PDE4D: variants seen among roughly 807,000 people sequenced by gnomAD.
PDE4D encodes the protein phosphodiesterase 4D, also known as 3',5'-cyclic-AMP phosphodiesterase 4D.
A neutral mutation model predicts 87.4 loss-of-function variants in PDE4D; 24 were observed. The ratio of observed to expected loss-of-function variants is 0.27; its 90% CI spans 0.20 to 0.39. The LOEUF is 0.39. Ranked by LOEUF, PDE4D falls within the 10% of genes least tolerant of loss-of-function variation. PDE4D has a pLI of 1.00. For synonymous variants in PDE4D, 384 were observed against 383.2 expected, an observed-to-expected ratio of 1.00 and a Z score of -0.02; for missense variants, 714 against 1,041.0, an observed-to-expected ratio of 0.69 and a Z score of 4.32.
chr5:59,419,876 C>A (rs1371892420), intron 1 of PDE4D, among the ~76,000 whole-genome samples: 1 of 152,010 alleles, frequency 6.6e-6, no homozygotes, highest in Non-Finnish European at 1.5e-5. Context: ...CGTGGAGAAC[C>A]CCTTGAATCA....
At chr5:59,617,804 T>G (rs1422896513) in intron 1 of PDE4D, among the ~76,000 whole-genome samples, 1 of 151,532 alleles carries the variant, frequency 6.6e-6, no homozygotes, top group African/African-American at 2.4e-5. Context: ...TTTAAACCAC[T>G]CTGTTTCTAG....
intron 1 of PDE4D, among the ~76,000 whole-genome samples, chr5:59,639,811 T>TAG (rs1741237631): frequency 8.7e-6 from 1 of 115,162 alleles, no homozygotes; most frequent in Non-Finnish European, 1.8e-5. Flanking sequence ...ATAGTGTCTA[T>TAG]AGTGTGTGTG....
At chr5:59,375,092 C>G (rs564902175) in intron 1 of PDE4D, among the ~76,000 whole-genome samples, 1 of 152,190 alleles carries the variant, frequency 6.6e-6, no homozygotes, top group African/African-American at 2.4e-5. Context: ...AGAAAGATCT[C>G]AAGTCAACAG....
At chr5:60,441,548 C>T (rs1001886636) in intron 1 of PDE4D, among the ~76,000 whole-genome samples, 2 of 152,130 alleles carry the variant, frequency 1.3e-5, no homozygotes, top group African/African-American at 4.8e-5. Flanking sequence ...ATGACTAAAA[C>T]ACCAAAAGCA....
chr5:59,035,369 G>A (rs1758318761), intron 6 of PDE4D, among the ~76,000 whole-genome samples: 1 of 152,152 alleles, frequency 6.6e-6, no homozygotes, highest in South Asian at 2.1e-4. Context: ...CACAAAAACT[G>A]TAAATATAAT....
intron 2 of PDE4D, among the ~76,000 whole-genome samples, chr5:60,056,556 T>C (rs905555637): frequency 1.3e-5 from 2 of 152,018 alleles, no homozygotes; most frequent in South Asian, 4.1e-4. Flanking sequence ...CAATGAGCTC[T>C]GGATGATCAT....
chr5:60,199,673 A>T (rs1449929745), intron 1 of PDE4D, among the ~76,000 whole-genome samples: 1 of 151,756 alleles, frequency 6.6e-6, no homozygotes, highest in African/African-American at 2.4e-5. Context: ...GAAAGCATAT[A>T]AATGAAAAAG....
chr5:59,076,684 A>T lies in PDE4D; in HGVS notation c.809-37713T>A, dbSNP rs532356304. 2.0e-4 allele frequency among the ~76,000 whole-genome samples: 30 copies of T among 152,268 alleles called. No homozygotes were observed. In the South Asian group the frequency reaches 6.2e-3, roughly 32 times the overall value. The stretch of plus-strand genomic sequence containing the variant: ...TTTCTTTGCCAATTTATCTTCATAA[A>T]ACTCAATCAATGCCTTGCCTTAAAA... On this transcript the variant is annotated intron_variant, in intron 5 of 14. Coordinates refer to ENST00000340635, the MANE Select transcript of PDE4D (RefSeq NM_001104631.2).
chr5:60,460,378 C>G, intron 1 of PDE4D: 2 of 1,018,316 alleles, frequency 2.0e-6, no homozygotes, highest in South Asian at 1.3e-5. Flanking sequence ...CATTTCAACT[C>G]TGCTCAAATA....
At chr5:59,290,350 G>T (rs1767779114) in intron 1 of PDE4D, among the ~76,000 whole-genome samples, 1 of 152,024 alleles carries the variant, frequency 6.6e-6, no homozygotes, top group South Asian at 2.1e-4. Flanking sequence ...AATAAATGGT[G>T]CTGGGAAAAC....
intron 1 of PDE4D, among the ~76,000 whole-genome samples, chr5:60,500,201 G>A (rs907772973): frequency 6.6e-6 from 1 of 152,062 alleles, no homozygotes; most frequent in African/African-American, 2.4e-5. Flanking sequence ...CTACTGGAGA[G>A]GCTGAGGAGA....
intron 2 of PDE4D, among the ~76,000 whole-genome samples, chr5:60,122,453 CT>C (rs1778774926): frequency 1.3e-5 from 2 of 152,246 alleles, no homozygotes; most frequent in Admixed American, 6.5e-5. Context: ...CAATTCTTGA[CT>C]TCTGTGCATC....
intron 1 of PDE4D, chr5:59,276,071 G>A (rs552442999): frequency 1.3e-4 from 131 of 977,632 alleles, no homozygotes; most frequent in Non-Finnish European, 1.5e-4. Context: ...CTCAAGGGCT[G>A]TATGACGTCT....
chr5:59,654,881 C>A (rs920174645), intron 1 of PDE4D, among the ~76,000 whole-genome samples: 1 of 152,102 alleles, frequency 6.6e-6, no homozygotes, highest in African/African-American at 2.4e-5. Context: ...CATGTAATAG[C>A]ATGCATTGAT....
chr5:60,120,494 A>C lies in PDE4D; in HGVS notation c.42+65063T>G, dbSNP rs183443924. On this transcript the variant is annotated intron_variant, in intron 2 of 16. Transcript: ENST00000502484. ...GTGGGTGATCTGCAGAGTCAGACTC[A>C]CATACCTTTTAAGTGGGCATTCTCT... 2.4e-3 allele frequency among the ~76,000 whole-genome samples: 361 copies of C among 152,276 alleles called. 2 individuals carry two copies. The highest frequency in any genetic ancestry group is 8.1e-3 in the African/African-American group (335 of 41,568).
intron 1 of PDE4D, among the ~76,000 whole-genome samples, chr5:59,836,302 T>G (rs1034411605): frequency 2.0e-5 from 3 of 152,048 alleles, no homozygotes; most frequent in African/African-American, 7.2e-5. Flanking sequence ...ATTATTATTT[T>G]CCTAACTTAT....
intron 1 of PDE4D, among the ~76,000 whole-genome samples, chr5:60,226,290 G>A (rs1745093548): frequency 6.6e-6 from 1 of 151,990 alleles, no homozygotes. Context: ...TGACAGCTGA[G>A]GTTAACTTCC....
intron 1 of PDE4D, among the ~76,000 whole-genome samples, chr5:60,497,223 T>A (rs1749853705): frequency 6.6e-6 from 1 of 152,140 alleles, no homozygotes; most frequent in Non-Finnish European, 1.5e-5. Context: ...AGCACATCCA[T>A]TTCATCAAAC....
intron 1 of PDE4D, among the ~76,000 whole-genome samples, chr5:59,262,781 T>C (rs1444949090): frequency 6.6e-6 from 1 of 151,956 alleles, no homozygotes; most frequent in Non-Finnish European, 1.5e-5. Context: ...CACCCATTGA[T>C]AGAGTCAGAA....
Sources: gnomAD v4.1 joint callset for allele counts (sites outside exome capture counted in the v4.1 genomes callset) on GRCh38, gnomAD v4.1.1 for gene constraint, MANE v1.5 for transcripts, NCBI Gene and HGNC (gene_info 2026-07-23, HGNC 2026-07-21) for gene names.